PIP4K2A: variants seen among roughly 807,000 people sequenced by gnomAD.
The protein encoded by PIP4K2A is phosphatidylinositol-5-phosphate 4-kinase type 2 alpha, also known as phosphatidylinositol 5-phosphate 4-kinase type-2 alpha.
A neutral mutation model predicts 42.9 loss-of-function variants in PIP4K2A; 14 were observed. The observed-to-expected ratio is 0.33, with a 90% CI of 0.22 to 0.51. The LOEUF (loss-of-function observed/expected upper bound fraction) is 0.51, where lower values mean the gene tolerates loss of function less well. Among genes scored for constraint, PIP4K2A ranks in the 20% least tolerant of loss-of-function variants. The pLI, the probability that PIP4K2A is intolerant of heterozygous loss-of-function variation, is 0.97. For synonymous variants in PIP4K2A, 192 were observed against 192.2 expected (o/e 1.00, Z 0.01); for missense variants, 434 against 519.8 (o/e 0.83, Z 1.61).
intron 6 of PIP4K2A, among the ~76,000 whole-genome samples, chr10:22,563,816 C>G (rs1187258041): frequency 6.6e-6 from 1 of 152,198 alleles, no homozygotes; most frequent in Non-Finnish European, 1.5e-5. Context: ...CCAATCTCAT[C>G]TGGTGACTGT....
chr10:22,562,941 T>A (rs1836748509), intron 6 of PIP4K2A, among the ~76,000 whole-genome samples: 1 of 152,168 alleles, frequency 6.6e-6, no homozygotes, highest in African/African-American at 2.4e-5. Flanking sequence ...GCTGGGGACG[T>A]GGTCGGTGAC....
intron 1 of PIP4K2A, among the ~76,000 whole-genome samples, chr10:22,639,011 A>G (rs748159775): frequency 3.3e-5 from 5 of 152,218 alleles, no homozygotes; most frequent in Non-Finnish European, 7.3e-5. Flanking sequence ...CAAGGCCACC[A>G]GAAGCCCTAG....
intron 3 of PIP4K2A, among the ~76,000 whole-genome samples, chr10:22,600,981 TA>T (rs1433795608): frequency 6.6e-6 from 1 of 151,234 alleles, no homozygotes; most frequent in Non-Finnish European, 1.5e-5. Context: ...AAAAAGAATA[TA>T]AAAATGAAAG....
At chr10:22,688,826 T>C (rs1839808022) in intron 1 of PIP4K2A, among the ~76,000 whole-genome samples, 1 of 152,166 alleles carries the variant, frequency 6.6e-6, no homozygotes, top group African/African-American at 2.4e-5. Context: ...TTTTATCTGG[T>C]ACAATTAGTG....
At chr10:22,578,137 G>T (rs1280488575) in intron 4 of PIP4K2A, among the ~76,000 whole-genome samples, 1 of 152,156 alleles carries the variant, frequency 6.6e-6, no homozygotes, top group East Asian at 1.9e-4. Flanking sequence ...TAAGTGATGG[G>T]TATATGCTAC....
At chr10:22,584,151 G>GTAATTCT (rs1270778011) in intron 4 of PIP4K2A, among the ~76,000 whole-genome samples, 75 of 152,168 alleles carry the variant, frequency 4.9e-4, no homozygotes, top group Non-Finnish European at 9.3e-4. Flanking sequence ...GAATTACAGA[G>GTAATTCT]GTGGGAACTC....
Position 22,540,048 on chromosome 10 carries a change from T to A in PIP4K2A, c.1063A>T (p.Met355Leu). The change falls in exon 9 of 10, where the codon ATG becomes TTG. Residue 355 changes from methionine (M) to leucine (L), a missense_variant. Transcript: ENST00000376573. ...TGAGTAAGGATGTCAATAATTGCCA[T>A]GAAGTACACCTCCTTCCTAGGCGAG... ...ENSPRKEVYFMAIIDILTHYD... is the reference protein window; with the variant it reads ...ENSPRKEVYFLAIIDILTHYD... 1 of 1,610,832 alleles carries A rather than the reference T, an allele frequency of 6.2e-7. No individual in the cohort carries two copies. Among genetic ancestry groups the A allele is most frequent in the Non-Finnish European group, 8.5e-7 (1 of 1,177,244 alleles).
At chr10:22,593,164 T>C (rs771728992) in intron 3 of PIP4K2A, among the ~76,000 whole-genome samples, 4 of 152,204 alleles carry the variant, frequency 2.6e-5, no homozygotes, top group South Asian at 2.1e-4. Context: ...AAGTGGCCCA[T>C]GAGCAAATCT....
intron 4 of PIP4K2A, among the ~76,000 whole-genome samples, chr10:22,574,209 C>T (rs1837057615): frequency 6.6e-6 from 1 of 152,086 alleles, no homozygotes; most frequent in Non-Finnish European, 1.5e-5. Context: ...GGTCCCTCTG[C>T]ACTTCCCAAA....
chr10:22,683,667 AAAG>A (rs1839706022), intron 1 of PIP4K2A, among the ~76,000 whole-genome samples: 1 of 152,134 alleles, frequency 6.6e-6, no homozygotes, highest in Admixed American at 6.6e-5. Flanking sequence ...AGGGTTTGAT[AAAG>A]AAGTCTGTTG....
chr10:22,538,934 A>G (rs535414714), intron 9 of PIP4K2A, among the ~76,000 whole-genome samples: 1 of 152,358 alleles, frequency 6.6e-6, no homozygotes, highest in Admixed American at 6.5e-5. Context: ...ATAGAAAAGA[A>G]GAGGTTTCAA....
intron 1 of PIP4K2A, among the ~76,000 whole-genome samples, chr10:22,645,664 AAAAACATGAAGATAG>A (rs1240566127): frequency 6.6e-6 from 1 of 151,772 alleles, no homozygotes; most frequent in Non-Finnish European, 1.5e-5. Flanking sequence ...AAATGTCTTG[AAAAACATGAAGATAG>A]TACTTAATTT....
At chr10:22,659,290 CT>C (rs1303680175) in intron 1 of PIP4K2A, among the ~76,000 whole-genome samples, 10 of 152,306 alleles carry the variant, frequency 6.6e-5, no homozygotes, top group African/African-American at 2.4e-4. Flanking sequence ...ACCATAAGGA[CT>C]ACAGACAAAA....
rs992083964 is a variant in PIP4K2A, at chr10:22,612,193, G to A, written c.145-2476C>T. Reference sequence around the variant, plus strand: ...AACCTTTAAGAGTCCACTCTGTGCTGGGCACAGCTCGGACACCAGTCTTTG... The same window carrying A: ...AACCTTTAAGAGTCCACTCTGTGCTAGGCACAGCTCGGACACCAGTCTTTG... On this transcript the variant is annotated intron_variant, in intron 1 of 9. Coordinates refer to ENST00000376573, the MANE Select transcript of PIP4K2A (RefSeq NM_005028.5). Among the ~76,000 whole-genome samples, 3 of 152,214 alleles carry A rather than the reference G, an allele frequency of 2.0e-5. No homozygotes were observed. The East Asian group carries it at 5.8e-4, about 29-fold the overall frequency.
At chr10:22,639,295 A>G (rs1478555090) in intron 1 of PIP4K2A, among the ~76,000 whole-genome samples, 1 of 152,060 alleles carries the variant, frequency 6.6e-6, no homozygotes, top group Non-Finnish European at 1.5e-5. Flanking sequence ...AAGTGCTCAG[A>G]GAAACACCAG....
intron 4 of PIP4K2A, among the ~76,000 whole-genome samples, chr10:22,580,820 C>T (rs1837257131): frequency 6.6e-6 from 1 of 152,224 alleles, no homozygotes; most frequent in South Asian, 2.1e-4. Flanking sequence ...TCCTTCCCCA[C>T]TGGCAAAAGG....
chr10:22,641,051 T>C (rs978024930), intron 1 of PIP4K2A, among the ~76,000 whole-genome samples: 30 of 152,244 alleles, frequency 2.0e-4, no homozygotes, highest in Non-Finnish European at 4.0e-4. Context: ...AATGGTAATA[T>C]ATGCTTGTGT....
intron 1 of PIP4K2A, among the ~76,000 whole-genome samples, chr10:22,700,772 C>T (rs1833699416): frequency 6.6e-6 from 1 of 152,194 alleles, no homozygotes; most frequent in African/African-American, 2.4e-5. Context: ...AAAACAAAAG[C>T]AAGGCTTATT....
chr10:22,604,807 C>T (rs1031433022), intron 3 of PIP4K2A, among the ~76,000 whole-genome samples: 5 of 152,144 alleles, frequency 3.3e-5, no homozygotes, highest in Non-Finnish European at 7.3e-5. Flanking sequence ...AGTCATTTGG[C>T]GCCACATGTG....
Sources: allele counts gnomAD v4.1 joint callset (sites outside exome capture counted in the v4.1 genomes callset), GRCh38; gene constraint gnomAD v4.1.1; transcripts MANE v1.5; gene names NCBI Gene and HGNC (gene_info 2026-07-23, HGNC 2026-07-21).